SPARC: variants seen among roughly 807,000 people sequenced by gnomAD.
SPARC encodes the protein secreted protein acidic and cysteine rich, also known as basement-membrane protein 40.
In SPARC, 23 loss-of-function variants were observed where a neutral mutation model predicts 37.7. The ratio of observed to expected loss-of-function variants is 0.61; its 90% confidence interval spans 0.44 to 0.87. SPARC has a LOEUF of 0.87. Ranked by LOEUF, SPARC falls within the 40% of genes least tolerant of loss-of-function variation. The pLI is 0.00. For missense variants in SPARC, 312 were observed against 389.0 expected (o/e 0.80, Z 1.66); for synonymous variants, 155 against 150.8 (o/e 1.03, Z -0.20).
rs1433988362 is a variant in SPARC at position 151,669,605 on chromosome 5, G to C, written c.451+59C>G. On this transcript the variant is annotated intron_variant, in intron 6 of 9. Coordinates refer to ENST00000231061, the MANE Select transcript of SPARC (RefSeq NM_003118.4). ...CATGGGGGTGGCAGAGACAGCATCA[G>C]TGCCAGCTCAGAGCTCTCTCCCCAA... 5 of 1,578,814 alleles carry C rather than the reference G, an allele frequency of 3.2e-6. No homozygotes were observed. In the African/African-American group the frequency reaches 4.0e-5, roughly 13 times the overall value.
chr5:151,674,301 A>C (rs938149627), intron 3 of SPARC, among the ~76,000 whole-genome samples: 5 of 152,140 alleles, frequency 3.3e-5, no homozygotes, highest in African/African-American at 4.8e-5. Context: ...GGCATGAGCC[A>C]CCGCACCCGG....
intron 7 of SPARC, 83 bp downstream of exon 7, chr5:151,667,384 G>A (rs963252556): frequency 9.8e-6 from 15 of 1,529,462 alleles, no homozygotes; most frequent in South Asian, 2.3e-5. Flanking sequence ...GCAGGATGCC[G>A]CCCTGCAGCT....
At chr5:151,678,208 G>C (rs1197370919) in intron 1 of SPARC, among the ~76,000 whole-genome samples, 2 of 152,218 alleles carry the variant, frequency 1.3e-5, no homozygotes, top group Non-Finnish European at 2.9e-5. Flanking sequence ...AAATAGCCCA[G>C]CTAGGACTGG....
chr5:151,667,935 G>A (rs774037350), intron 6 of SPARC, among the ~76,000 whole-genome samples: 36 of 152,162 alleles, frequency 2.4e-4, no homozygotes, highest in Admixed American at 2.0e-3. Context: ...TCAACCACTG[G>A]CAGGTGTTTG....
intron 1 of SPARC, among the ~76,000 whole-genome samples, chr5:151,680,076 G>A (rs1760949783): frequency 6.6e-6 from 1 of 152,078 alleles, no homozygotes; most frequent in Non-Finnish European, 1.5e-5. Context: ...TGCAAATGAA[G>A]AACTGAGTTT....
Position 151,666,371 on chromosome 5 carries a change from G to A in SPARC, c.724C>T (p.Pro242Ser), listed in dbSNP as rs906766288. ...HWQFGQLDQH[P>S]IDGYLSHTEL... ...GGTCTGGGGTCTTACCCGTCAATGGGGTGCTGGTCCAGCTGGCCGAACTGC... is the reference window on the plus strand; with the variant it reads ...GGTCTGGGGTCTTACCCGTCAATGGAGTGCTGGTCCAGCTGGCCGAACTGC... The change falls in exon 8 of 10, where the codon CCC (proline) becomes TCC (serine). Residue 242 changes from proline to serine, a missense_variant. Transcript: ENST00000231061. 3.1e-6 allele frequency: 5 copies of A among 1,613,770 alleles called. No individual in the cohort carries two copies. The African/African-American group carries it at 6.7e-5, about 22-fold the overall frequency.
chr5:151,678,466 T>C (rs1322675767), intron 1 of SPARC, among the ~76,000 whole-genome samples: 1 of 152,220 alleles, frequency 6.6e-6, no homozygotes, highest in African/African-American at 2.4e-5. Flanking sequence ...CTTATAGTGC[T>C]GCTTCATAGT....
In SPARC at chr5:151,669,650, C is replaced by T. The variant is rs779809218; in HGVS notation, c.451+14G>A. Reference sequence around the variant, plus strand: ...CCCCAAGACAGGAGTCTGGAAGGGCCCAAGGACACTCACATTTGCAAGGCC... The same window carrying T: ...CCCCAAGACAGGAGTCTGGAAGGGCTCAAGGACACTCACATTTGCAAGGCC... On this transcript the variant is annotated intron_variant, in intron 6 of 9. Transcript: ENST00000231061. 3 of 1,613,718 alleles carry T rather than the reference C, an allele frequency of 1.9e-6. No homozygotes were observed.
chr5:151,664,268 C>A (rs1287822982), intron 8 of SPARC, 33 bp from the exon 9 acceptor site: 1 of 1,601,922 alleles, frequency 6.2e-7, no homozygotes, highest in Non-Finnish European at 8.5e-7. Flanking sequence ...GGGCCTGAGG[C>A]ATGGAAAAGC....
intron 1 of SPARC, 45 bp from the exon 2 acceptor site, chr5:151,676,246 T>A: frequency 7.5e-7 from 1 of 1,333,322 alleles, no homozygotes; most frequent in Non-Finnish European, 1.1e-6. Flanking sequence ...TGAGACTTCC[T>A]TATGGAGATT....
In SPARC at chr5:151,663,458, T is replaced by C. The variant is rs1480944125; in HGVS notation, c.*113A>G. The C allele has an allele frequency of 9.8e-7, 1 of 1,023,218 alleles. No individual in the cohort carries two copies. Among genetic ancestry groups the C allele is most frequent in the Non-Finnish European group, 1.5e-6 (1 of 656,720 alleles). 63.4% of individuals were successfully genotyped at this position (1,023,218 alleles called of 1,614,324 possible). Reference sequence around the variant, plus strand: ...CCGTTAATGTATTCACTTAAATCTATGTTAGCACCTTGTCTCCAGGCAGAA... The same window carrying C: ...CCGTTAATGTATTCACTTAAATCTACGTTAGCACCTTGTCTCCAGGCAGAA... On this transcript the variant is annotated 3_prime_UTR_variant, in exon 10 of 10. Transcript: ENST00000231061.
At chr5:151,683,244 C>T (rs1354315097) in intron 1 of SPARC, among the ~76,000 whole-genome samples, 2 of 152,272 alleles carry the variant, frequency 1.3e-5, no homozygotes, top group Non-Finnish European at 2.9e-5. Context: ...CAGCCGCCTA[C>T]AGGCACATCA....
intron 1 of SPARC, among the ~76,000 whole-genome samples, chr5:151,678,665 C>T (rs541023539): frequency 1.3e-5 from 2 of 152,252 alleles, no homozygotes; most frequent in Admixed American, 1.3e-4. Context: ...CGTTCTCACT[C>T]ATGGAGTTGG....
intron 6 of SPARC, among the ~76,000 whole-genome samples, chr5:151,668,798 C>T (rs891777403): frequency 1.3e-5 from 2 of 152,158 alleles, no homozygotes; most frequent in African/African-American, 4.8e-5. Context: ...CTTCCCCCAA[C>T]CCTCCTTTTC....
At chr5:151,671,013 G>C (rs573425095) in intron 5 of SPARC, among the ~76,000 whole-genome samples, 1 of 152,152 alleles carries the variant, frequency 6.6e-6, no homozygotes, top group Non-Finnish European at 1.5e-5. Context: ...ATATTTACTT[G>C]GACGGATGGA....
intron 1 of SPARC, among the ~76,000 whole-genome samples, chr5:151,686,220 C>T (rs562534522): frequency 1.1e-4 from 16 of 152,268 alleles, no homozygotes; most frequent in African/African-American, 3.9e-4. Flanking sequence ...AACACCTAAC[C>T]CAAGACTGAG....
At chr5:151,681,559 A>G (rs1435005259) in intron 1 of SPARC, among the ~76,000 whole-genome samples, 1 of 152,250 alleles carries the variant, frequency 6.6e-6, no homozygotes, top group African/African-American at 2.4e-5. Flanking sequence ...GAACCATGTG[A>G]ATGAGTATTA....
chr5:151,675,071 A>C (rs985447181), intron 2 of SPARC, among the ~76,000 whole-genome samples: 4 of 152,226 alleles, frequency 2.6e-5, no homozygotes. Flanking sequence ...CATCTTCCTC[A>C]CAGTGTGATA....
intron 8 of SPARC, among the ~76,000 whole-genome samples, 179 bp downstream of exon 8, chr5:151,666,182 C>T (rs370095243): frequency 2.6e-5 from 4 of 152,324 alleles, no homozygotes; most frequent in South Asian, 4.1e-4. Context: ...AGTGTCTTAT[C>T]GGTTTCTTTG....
Sources: allele counts gnomAD v4.1 joint callset (sites outside exome capture counted in the v4.1 genomes callset), GRCh38; gene constraint gnomAD v4.1.1; transcripts MANE v1.5; gene names NCBI Gene and HGNC (gene_info 2026-07-23, HGNC 2026-07-21).